Variants in CCDC85A observed in about 807,000 individuals in gnomAD.
The protein encoded by CCDC85A is coiled-coil domain containing 85A, also known as coiled-coil domain-containing protein 85A.
CCDC85A carries 38 observed loss-of-function variants against 50.2 expected under a neutral mutation model. That is an observed-to-expected ratio of 0.76 (90% CI 0.58 to 0.99). CCDC85A has a LOEUF of 0.99. Among genes scored for constraint, CCDC85A ranks in the 50% least tolerant of loss-of-function variants. The pLI is 0.00. For synonymous variants in CCDC85A, 366 were observed against 301.4 expected (o/e 1.21, Z -2.22); for missense variants, 820 against 742.0 (o/e 1.11, Z -1.22).
At chr2:56,255,363 G>C (rs72923443) in intron 2 of CCDC85A, among the ~76,000 whole-genome samples, 23,122 of 152,150 alleles carry the variant, frequency 0.15, 2,003 homozygotes, top group African/African-American at 0.22. Context: ...GAGTCAAAAA[G>C]GGGGAGGTAG....
intron 2 of CCDC85A, among the ~76,000 whole-genome samples, chr2:56,306,065 T>C (rs1229513912): frequency 6.6e-6 from 1 of 152,174 alleles, no homozygotes; most frequent in Non-Finnish European, 1.5e-5. Context: ...GCTACAGTGA[T>C]GAATATAACA....
chr2:56,374,031 T>C (rs1676212181), intron 4 of CCDC85A, among the ~76,000 whole-genome samples: 2 of 152,242 alleles, frequency 1.3e-5, no homozygotes, highest in African/African-American at 2.4e-5. Flanking sequence ...TAGGCATTAT[T>C]GTTTCTGATT....
intron 2 of CCDC85A, among the ~76,000 whole-genome samples, chr2:56,297,771 T>G (rs1249343828): frequency 6.6e-6 from 1 of 152,188 alleles, no homozygotes; most frequent in Non-Finnish European, 1.5e-5. Context: ...ACTTGGATAT[T>G]GGTGTGGAAC....
At chr2:56,285,852 G>A (rs908368184) in intron 2 of CCDC85A, among the ~76,000 whole-genome samples, 2 of 151,920 alleles carry the variant, frequency 1.3e-5, no homozygotes, top group Admixed American at 6.6e-5. Context: ...TGTTCGGCTG[G>A]TATCATTTGC....
At chr2:56,198,503 G>T (rs1460806200) in intron 2 of CCDC85A, among the ~76,000 whole-genome samples, 1 of 152,138 alleles carries the variant, frequency 6.6e-6, no homozygotes, top group Non-Finnish European at 1.5e-5. Flanking sequence ...TTAAGTTTTT[G>T]ATAAAATTGA....
intron 2 of CCDC85A, among the ~76,000 whole-genome samples, chr2:56,211,492 ACT>A (rs1366308979): frequency 2.0e-5 from 3 of 152,044 alleles, no homozygotes; most frequent in African/African-American, 7.2e-5. Flanking sequence ...TATCATTGTA[ACT>A]AATGGAATCT....
rs375595978 is a variant in CCDC85A at position 56,264,053 on chromosome 2, C to T, written c.1240+70613C>T. Among the ~76,000 whole-genome samples, 8 of 152,256 alleles carry T rather than the reference C, an allele frequency of 5.3e-5. No homozygotes were observed. The East Asian group carries it at 1.5e-3, about 29-fold the overall frequency. ...TTTCACAATGTCTTAAGGAAGTTTA[C>T]GAATTTGTGTTGAGTCACATGCAAA... On this transcript the variant is annotated intron_variant, in intron 2 of 5. Coordinates refer to ENST00000407595, the MANE Select transcript of CCDC85A (RefSeq NM_001080433.2).
At chr2:56,286,909 G>C (rs1671471573) in intron 2 of CCDC85A, among the ~76,000 whole-genome samples, 1 of 152,086 alleles carries the variant, frequency 6.6e-6, no homozygotes, top group African/African-American at 2.4e-5. Context: ...TGTTGGACTT[G>C]GTTTTATTCC....
intron 2 of CCDC85A, among the ~76,000 whole-genome samples, chr2:56,247,272 C>A (rs1316026657): frequency 1.3e-5 from 2 of 152,086 alleles, no homozygotes; most frequent in Non-Finnish European, 2.9e-5. Flanking sequence ...GTAATAGTAA[C>A]CCTCTCATAT....
intron 2 of CCDC85A, among the ~76,000 whole-genome samples, chr2:56,297,230 G>T (rs1036849841): frequency 2.6e-5 from 4 of 152,104 alleles, no homozygotes; most frequent in Non-Finnish European, 5.9e-5. Context: ...CAAGAGCAAG[G>T]TTGCTTCTGT....
chr2:56,200,560 T>C lies in CCDC85A; in HGVS notation c.1240+7120T>C, dbSNP rs538422279. ...CTCCTGACATAAATTGCTTTCTCTT[T>C]AGAGTGCCGTTCAAGTGTTTCCAAT... On this transcript the variant is annotated intron_variant, in intron 2 of 5. Coordinates refer to ENST00000407595, the MANE Select transcript of CCDC85A (RefSeq NM_001080433.2). Among the ~76,000 whole-genome samples the C allele has an allele frequency of 2.0e-3, 306 of 152,298 alleles. 1 individual carries two copies. Among genetic ancestry groups the C allele is most frequent in the Non-Finnish European group, 3.2e-3 (219 of 68,024 alleles).
In CCDC85A at chr2:56,261,094, C is replaced by G. The variant is rs375331906; in HGVS notation, c.1240+67654C>G. Among the ~76,000 whole-genome samples the G allele has an allele frequency of 5.5e-4, 84 of 152,286 alleles. 2 individuals are homozygous for G. In the South Asian group the frequency reaches 0.017, roughly 30 times the overall value. On this transcript the variant is annotated intron_variant, in intron 2 of 5. Coordinates refer to ENST00000407595, the MANE Select transcript of CCDC85A (RefSeq NM_001080433.2). ...TGGGTTTGCATCCTAGGTCACTTTT[C>G]CCCAGGTGATCTTGGGAAATTTACA...
At chr2:56,238,824 T>C (rs1224863087) in intron 2 of CCDC85A, among the ~76,000 whole-genome samples, 1 of 152,182 alleles carries the variant, frequency 6.6e-6, no homozygotes, top group East Asian at 1.9e-4. Context: ...ATGTGTTTAT[T>C]TATTTTTACA....
chr2:56,370,996 G>C (rs1324239273), intron 3 of CCDC85A, among the ~76,000 whole-genome samples: 1 of 151,938 alleles, frequency 6.6e-6, no homozygotes, highest in Non-Finnish European at 1.5e-5. Flanking sequence ...TGGGGTGGGA[G>C]GTGAGTATTA....
At chr2:56,276,808 A>G (rs958563174) in intron 2 of CCDC85A, among the ~76,000 whole-genome samples, 3 of 152,050 alleles carry the variant, frequency 2.0e-5, no homozygotes, top group African/African-American at 7.2e-5. Flanking sequence ...AACTTGTGTC[A>G]TGGGGTTTAT....
chr2:56,300,266 G>A (rs1261860925), intron 2 of CCDC85A, among the ~76,000 whole-genome samples: 2 of 152,100 alleles, frequency 1.3e-5, no homozygotes, highest in Non-Finnish European at 2.9e-5. Context: ...GATCCTTAAG[G>A]GTAAATACCA....
intron 2 of CCDC85A, among the ~76,000 whole-genome samples, chr2:56,204,724 G>C (rs1474313426): frequency 6.6e-6 from 1 of 152,226 alleles, no homozygotes; most frequent in African/African-American, 2.4e-5. Context: ...CAGGAATTCT[G>C]TGTGTAGGTG....
intron 2 of CCDC85A, among the ~76,000 whole-genome samples, chr2:56,319,299 G>A (rs1308198578): frequency 1.3e-5 from 2 of 152,034 alleles, no homozygotes; most frequent in Non-Finnish European, 2.9e-5. Flanking sequence ...AGTCCACAGA[G>A]TACATACTGG....
chr2:56,190,803 C>G (rs571368704), intron 1 of CCDC85A, among the ~76,000 whole-genome samples: 1 of 152,262 alleles, frequency 6.6e-6, no homozygotes, highest in African/African-American at 2.4e-5. Context: ...AATCTTGCAG[C>G]TTCCACTTTA....
Sources: gnomAD v4.1 joint callset for allele counts (sites outside exome capture counted in the v4.1 genomes callset) on GRCh38, gnomAD v4.1.1 for gene constraint, MANE v1.5 for transcripts, NCBI Gene and HGNC (gene_info 2026-07-23, HGNC 2026-07-21) for gene names.